The following MGAT5 variants were observed in gnomAD, a reference collection of about 807,000 sequenced individuals.
MGAT5 encodes alpha-1,6-mannosylglycoprotein 6-beta-N-acetylglucosaminyltransferase A.
A neutral mutation model predicts 94.3 loss-of-function variants in MGAT5; 30 were observed. That is an observed-to-expected ratio of 0.32 (90% CI 0.24 to 0.43). The LOEUF (loss-of-function observed/expected upper bound fraction) is 0.43, where lower values mean the gene tolerates loss of function less well. Ranked by LOEUF, MGAT5 falls within the 20% of genes least tolerant of loss-of-function variation. The probability of loss-of-function intolerance (pLI) is 1.00; values close to 1 mark genes in which losing one functional copy is unlikely to be tolerated. For synonymous variants in MGAT5, 310 were observed against 322.9 expected (o/e 0.96, Z 0.43); for missense variants, 691 against 905.5 (o/e 0.76, Z 3.04).
At chr2:134,331,072 A>G (rs1285794923) in intron 4 of MGAT5, among the ~76,000 whole-genome samples, 1 of 152,124 alleles carries the variant, frequency 6.6e-6, no homozygotes, top group Non-Finnish European at 1.5e-5. Flanking sequence ...TCCCCTTAAT[A>G]TAATGAATTG....
intron 1 of MGAT5, among the ~76,000 whole-genome samples, chr2:134,185,333 A>G (rs1388677104): frequency 6.6e-6 from 1 of 152,174 alleles, no homozygotes; most frequent in Non-Finnish European, 1.5e-5. Flanking sequence ...TTGTTTTCCA[A>G]ATGGGAATGG....
intron 1 of MGAT5, among the ~76,000 whole-genome samples, chr2:134,130,431 C>T (rs962559348): frequency 1.1e-4 from 17 of 152,234 alleles, no homozygotes; most frequent in South Asian, 4.1e-4. Flanking sequence ...GCTCTGCCTG[C>T]GGCCCTGGCA....
intron 1 of MGAT5, among the ~76,000 whole-genome samples, chr2:134,197,913 T>G (rs530563021): frequency 1.2e-4 from 18 of 152,316 alleles, no homozygotes; most frequent in Non-Finnish European, 1.9e-4. Context: ...TAGATTTTTT[T>G]CTACTCCTGT....
chr2:134,331,842 G>C lies in MGAT5; in HGVS notation c.574-4375G>C, dbSNP rs373023028. On this transcript the variant is annotated intron_variant, in intron 4 of 15. Transcript: ENST00000281923. ...TTTCAGGTCAAGAAGGTGGTGGGTA[G>C]GATTCCAACTTACAAGGGACGTGAA... Among the ~76,000 whole-genome samples, 28 of 152,116 alleles carry C rather than the reference G, an allele frequency of 1.8e-4. 1 individual carries two copies. The East Asian group carries it at 4.5e-3, about 24-fold the overall frequency.
chr2:134,291,709 C>G (rs1350205594), intron 2 of MGAT5, among the ~76,000 whole-genome samples: 2 of 152,096 alleles, frequency 1.3e-5, no homozygotes, highest in Non-Finnish European at 2.9e-5. Flanking sequence ...GTTGAGAGCC[C>G]TGTAAGGCAA....
At chr2:134,400,049 T>G (rs562710806) in intron 10 of MGAT5, among the ~76,000 whole-genome samples, 1 of 152,214 alleles carries the variant, frequency 6.6e-6, no homozygotes, top group African/African-American at 2.4e-5. Context: ...CCTTCCATCC[T>G]GGAGAAGAGG....
chr2:134,360,572 G>A (rs1680019391), intron 9 of MGAT5, among the ~76,000 whole-genome samples: 1 of 91,018 alleles, frequency 1.1e-5, no homozygotes, highest in Non-Finnish European at 3.4e-5. Context: ...ACCTGATCCT[G>A]AAGTATAGTG....
chr2:134,380,519 C>A (rs1191619130), intron 10 of MGAT5, among the ~76,000 whole-genome samples: 1 of 152,180 alleles, frequency 6.6e-6, no homozygotes, highest in Non-Finnish European at 1.5e-5. Context: ...CCCCTTGCCA[C>A]CCAGCCTTGC....
chr2:134,239,056 T>C (rs1160651248), intron 1 of MGAT5, among the ~76,000 whole-genome samples: 1 of 152,200 alleles, frequency 6.6e-6, no homozygotes, highest in Non-Finnish European at 1.5e-5. Context: ...TGGAGTGCAG[T>C]GGCGCCATCT....
intron 2 of MGAT5, among the ~76,000 whole-genome samples, chr2:134,290,543 T>C (rs1685285496): frequency 6.6e-6 from 1 of 152,248 alleles, no homozygotes; most frequent in South Asian, 2.1e-4. Context: ...TCTTTGGTCA[T>C]AGAAATTGTT....
chr2:134,181,553 T>G (rs1688736227), intron 1 of MGAT5, among the ~76,000 whole-genome samples: 1 of 152,218 alleles, frequency 6.6e-6, no homozygotes, highest in Admixed American at 6.5e-5. Flanking sequence ...TCTGTTTTTT[T>G]CTTTTCTTTT....
intron 1 of MGAT5, among the ~76,000 whole-genome samples, chr2:134,160,025 GA>G (rs942566004): frequency 1.3e-5 from 2 of 152,144 alleles, no homozygotes; most frequent in African/African-American, 4.8e-5. Context: ...TTTGGGGAGA[GA>G]AAATGTAGAT....
chr2:134,230,219 T>C (rs1681290409), intron 1 of MGAT5, among the ~76,000 whole-genome samples: 1 of 152,220 alleles, frequency 6.6e-6, no homozygotes, highest in Non-Finnish European at 1.5e-5. Flanking sequence ...ACATGCACAG[T>C]TCACAACAGG....
chr2:134,412,187 A>G (rs920355167), intron 11 of MGAT5, among the ~76,000 whole-genome samples: 17 of 151,980 alleles, frequency 1.1e-4, no homozygotes, highest in Non-Finnish European at 7.4e-5. Context: ...GCTGCCATCT[A>G]TGGTCTGTCT....
intron 12 of MGAT5, among the ~76,000 whole-genome samples, chr2:134,416,395 CT>C (rs1453455108): frequency 6.6e-6 from 1 of 151,878 alleles, no homozygotes; most frequent in Non-Finnish European, 1.5e-5. Context: ...AATGTCTGTC[CT>C]TTTGTGTCTG....
chr2:134,402,242 G>T (rs1200375318), intron 10 of MGAT5, among the ~76,000 whole-genome samples: 1 of 152,202 alleles, frequency 6.6e-6, no homozygotes, highest in East Asian at 1.9e-4. Context: ...AGGTGGTTTT[G>T]ATTTAGAAAA....
intron 2 of MGAT5, among the ~76,000 whole-genome samples, chr2:134,309,324 T>TA (rs1221241583): frequency 1.9e-4 from 29 of 152,362 alleles, no homozygotes; most frequent in Admixed American, 5.9e-4. Context: ...TATTCTTTCA[T>TA]AGTGTAAACC....
At chr2:134,448,574 G>T in intron 15 of MGAT5, 75 bp from the exon 16 acceptor site, 2 of 1,378,228 alleles carry the variant, frequency 1.5e-6, no homozygotes, top group Non-Finnish European at 2.1e-6. Flanking sequence ...TCAAGATGGG[G>T]GCTCACAGGG....
chr2:134,385,574 A>G (rs189723559), intron 10 of MGAT5, among the ~76,000 whole-genome samples: 1 of 152,316 alleles, frequency 6.6e-6, no homozygotes, highest in East Asian at 1.9e-4. Flanking sequence ...CTGATTGAGT[A>G]GACCTGGGGT....
Sources: gnomAD v4.1 joint callset for allele counts (sites outside exome capture counted in the v4.1 genomes callset) on GRCh38, gnomAD v4.1.1 for gene constraint, MANE v1.5 for transcripts, NCBI Gene and HGNC (gene_info 2026-07-23, HGNC 2026-07-21) for gene names.